Variants in DNAJC1 observed in about 807,000 individuals in gnomAD.
DNAJC1 encodes the protein dnaJ homolog subfamily C member 1.
In DNAJC1, 58 loss-of-function variants were observed where a neutral mutation model predicts 76.6. The ratio of observed to expected loss-of-function variants is 0.76; its 90% CI spans 0.61 to 0.94. The LOEUF is 0.94. Ranked by LOEUF, DNAJC1 falls within the 40% of genes least tolerant of loss-of-function variation. The pLI, the probability that DNAJC1 is intolerant of heterozygous loss-of-function variation, is 0.00. For missense variants in DNAJC1, 689 were observed against 677.3 expected (o/e 1.02, Z -0.19); for synonymous variants, 258 against 267.9 (o/e 0.96, Z 0.36).
chr10:21,950,813 C>T (rs897233484), intron 1 of DNAJC1, among the ~76,000 whole-genome samples: 1 of 152,112 alleles, frequency 6.6e-6, no homozygotes, highest in African/African-American at 2.4e-5. Context: ...TTCCCTTGAG[C>T]CAGAGCCTAA....
intron 8 of DNAJC1, among the ~76,000 whole-genome samples, chr10:21,854,301 G>GA (rs1214989887): frequency 7.1e-6 from 1 of 141,760 alleles, no homozygotes; most frequent in East Asian, 2.1e-4. Context: ...ACAATATGGT[G>GA]AAAAAACCTT....
At chr10:21,852,813 T>C (rs1030308888) in intron 8 of DNAJC1, among the ~76,000 whole-genome samples, 1 of 152,088 alleles carries the variant, frequency 6.6e-6, no homozygotes, top group African/African-American at 2.4e-5. Flanking sequence ...AAAGATATGG[T>C]TTGCTCTCCT....
intron 8 of DNAJC1, among the ~76,000 whole-genome samples, chr10:21,837,444 G>A (rs1348986722): frequency 1.3e-5 from 2 of 152,092 alleles, no homozygotes; most frequent in East Asian, 1.9e-4. Flanking sequence ...CTTCCCGGCC[G>A]CCATCCCGTC....
chr10:21,959,640 G>C (rs933624770), intron 1 of DNAJC1, among the ~76,000 whole-genome samples: 1 of 151,628 alleles, frequency 6.6e-6, no homozygotes, highest in African/African-American at 2.4e-5. Flanking sequence ...ACAAAAATGA[G>C]CTGAGCTTGG....
At chr10:21,851,483 T>C (rs971328276) in intron 8 of DNAJC1, among the ~76,000 whole-genome samples, 14 of 152,046 alleles carry the variant, frequency 9.2e-5, no homozygotes, top group African/African-American at 3.4e-4. Flanking sequence ...AAGTGAAAAA[T>C]AACAAGTGAA....
At chr10:21,980,350 T>A (rs541404427) in intron 1 of DNAJC1, among the ~76,000 whole-genome samples, 1 of 152,132 alleles carries the variant, frequency 6.6e-6, no homozygotes, top group Non-Finnish European at 1.5e-5. Flanking sequence ...ATGAGATATA[T>A]GGATATCATG....
intron 9 of DNAJC1, among the ~76,000 whole-genome samples, chr10:21,784,466 A>G (rs1020576258): frequency 2.0e-5 from 3 of 152,136 alleles, no homozygotes; most frequent in Admixed American, 2.0e-4. Flanking sequence ...TGTAAACTAG[A>G]TCAACCATTG....
intron 8 of DNAJC1, among the ~76,000 whole-genome samples, chr10:21,834,415 TC>T (rs1458100020): frequency 6.6e-6 from 1 of 152,208 alleles, no homozygotes; most frequent in Non-Finnish European, 1.5e-5. Context: ...ATGGGTGATT[TC>T]TGCATTTTCA....
chr10:21,958,782 AT>A (rs1486907309), intron 1 of DNAJC1, among the ~76,000 whole-genome samples: 1 of 152,032 alleles, frequency 6.6e-6, no homozygotes, highest in Non-Finnish European at 1.5e-5. Flanking sequence ...TTTTTCTGAT[AT>A]ATTTAAACGT....
At chr10:21,979,458 T>A (rs1479807148) in intron 1 of DNAJC1, among the ~76,000 whole-genome samples, 1 of 152,090 alleles carries the variant, frequency 6.6e-6, no homozygotes, top group African/African-American at 2.4e-5. Context: ...GAGATTTAAT[T>A]GATTTTTTAA....
At chr10:21,912,044 G>A (rs959610690) in intron 6 of DNAJC1, among the ~76,000 whole-genome samples, 2 of 152,122 alleles carry the variant, frequency 1.3e-5, no homozygotes, top group African/African-American at 4.8e-5. Flanking sequence ...GGATGCAATC[G>A]ATAAGTTGAG....
chr10:21,805,710 A>T (rs1199027367), intron 9 of DNAJC1, among the ~76,000 whole-genome samples: 1 of 152,104 alleles, frequency 6.6e-6, no homozygotes, highest in African/African-American at 2.4e-5. Context: ...GTCACTATAA[A>T]CATAAAAACT....
At chr10:21,860,073 G>A (rs899383459) in intron 8 of DNAJC1, among the ~76,000 whole-genome samples, 2 of 151,606 alleles carry the variant, frequency 1.3e-5, no homozygotes, top group Non-Finnish European at 2.9e-5. Flanking sequence ...ATGAGCTACC[G>A]TGCCCGGCCA....
At chr10:21,835,177 G>A (rs924727152) in intron 8 of DNAJC1, among the ~76,000 whole-genome samples, 6 of 152,146 alleles carry the variant, frequency 3.9e-5, no homozygotes, top group African/African-American at 1.2e-4. Flanking sequence ...ACCAATATCC[G>A]CTGTTCTGCA....
chr10:21,910,817 AG>A (rs1836842889), intron 6 of DNAJC1, among the ~76,000 whole-genome samples: 2 of 110,746 alleles, frequency 1.8e-5, no homozygotes, highest in African/African-American at 7.5e-5. Flanking sequence ...AAGAAAAGAA[AG>A]GAAAGAAAGG....
chr10:21,877,822 A>G (rs1157355295), intron 8 of DNAJC1, among the ~76,000 whole-genome samples: 2 of 152,250 alleles, frequency 1.3e-5, no homozygotes, highest in African/African-American at 2.4e-5. Context: ...AAACCTAAGT[A>G]TAACTTTTGA....
intron 1 of DNAJC1, among the ~76,000 whole-genome samples, chr10:21,965,824 T>C (rs1837880463): frequency 6.6e-6 from 1 of 152,198 alleles, no homozygotes; most frequent in African/African-American, 2.4e-5. Flanking sequence ...TTCACCACTT[T>C]ACTTTGTTAA....
Position 21,847,593 on chromosome 10 carries a change from T to C in DNAJC1, c.978+34689A>G, listed in dbSNP as rs142138846. ...CCAGCCTCTCTTCATCATCCCTCCC[T>C]CCTACCTTTGTCAGCCTCTAGTAAC... On this transcript the variant is annotated intron_variant, in intron 8 of 11. Transcript: ENST00000376980. Among the ~76,000 whole-genome samples the C allele has an allele frequency of 1.1e-3, 162 of 152,238 alleles. 1 individual carries two copies. The highest frequency in any genetic ancestry group is 3.5e-3 in the African/African-American group (144 of 41,564).
chr10:21,865,215 C>G (rs1427504938), intron 8 of DNAJC1: 2 of 152,070 alleles, frequency 1.3e-5, no homozygotes, highest in Admixed American at 6.5e-5. Context: ...TCCCACAAGG[C>G]ATTTACTCCA....
Sources: gnomAD v4.1 joint callset for allele counts (sites outside exome capture counted in the v4.1 genomes callset) on GRCh38, gnomAD v4.1.1 for gene constraint, MANE v1.5 for transcripts, NCBI Gene and HGNC (gene_info 2026-07-23, HGNC 2026-07-21) for gene names.